The following DYNC2H1 variants were observed in gnomAD, a reference collection of about 807,000 sequenced individuals.
The protein encoded by DYNC2H1 is cytoplasmic dynein 2 heavy chain 1.
DYNC2H1 carries 410 observed loss-of-function variants against 570.0 expected under a neutral mutation model. The observed-to-expected ratio is 0.72, with a 90% CI of 0.66 to 0.78. DYNC2H1 has a LOEUF of 0.78. Among genes scored for constraint, DYNC2H1 ranks in the 30% least tolerant of loss-of-function variants. The probability of loss-of-function intolerance (pLI) is 0.00; values close to 1 mark genes in which losing one functional copy is unlikely to be tolerated. For missense variants in DYNC2H1, 4,865 were observed against 5,046.4 expected, an observed-to-expected ratio of 0.96 and a Z score of 1.09; for synonymous variants, 1,688 against 1,677.6, an observed-to-expected ratio of 1.01 and a Z score of -0.15.
chr11:103,173,136 G>A lies in DYNC2H1; in HGVS notation c.5389G>A (p.Gly1797Ser), dbSNP rs1064796293. 6.5e-7 allele frequency: 1 copy of A among 1,535,758 alleles called. No homozygotes were observed. The highest frequency in any genetic ancestry group is 8.8e-7 in the Non-Finnish European group (1 of 1,141,212). ...IFITMNPAGK[G>S]YGGRQKLPDN... is the part of the protein sequence containing the mutation. ...TATCACTATGAATCCTGCTGGAAAA[G>A]GTTATGGAGGAAGACAAAAACTGCC... The change falls in exon 35 of 89, where the codon GGT (glycine) becomes AGT (serine). Residue 1797 changes from glycine (G) to serine (S), a missense_variant. Around this residue, in one of 5 missense-constraint regions of DYNC2H1, gnomAD observed 292 missense variants for 300.2 expected, o/e 0.97. Coordinates refer to ENST00000375735, the MANE Select transcript of DYNC2H1 (RefSeq NM_001377.3).
At position 103,465,304 on chromosome 11, in the gene DYNC2H1, T is replaced by G. The variant is rs750834409; in HGVS notation, c.12649-3285T>G. The stretch of plus-strand genomic sequence containing the variant: ...TTTCAGTCGTGATCACGCAGATAAT[T>G]TGAGAAGTGGAAAAATACAAGAAAG... On this transcript the variant is annotated intron_variant, in intron 87 of 88. Transcript: ENST00000375735. The surrounding 1 kb of genome is among the most constrained non-coding windows in gnomAD (Gnocchi z 4.9). Among the ~76,000 whole-genome samples the G allele has an allele frequency of 1.2e-4, 19 of 152,086 alleles. No homozygotes were observed. Among genetic ancestry groups the G allele is most frequent in the Non-Finnish European group, 1.9e-4 (13 of 68,002 alleles).
chr11:103,179,240 C>G lies in DYNC2H1; in HGVS notation c.6347+7C>G, dbSNP rs1304400790. 1 of 1,611,488 alleles carries G rather than the reference C, an allele frequency of 6.2e-7. No homozygotes were observed. Among genetic ancestry groups the G allele is most frequent in the African/African-American group, 1.3e-5 (1 of 74,808 alleles). ...TGGGAATGATCTTTCTTAGGTAAGC[C>G]ATAGATTATTTATATACAGTATATT... is the stretch of plus-strand genomic sequence containing the variant. On this transcript the variant is annotated splice_region_variant and intron_variant, in intron 39 of 88. Transcript: ENST00000375735.
At chr11:103,315,471 C>T (rs1022472355) in intron 79 of DYNC2H1, among the ~76,000 whole-genome samples, 5 of 152,088 alleles carry the variant, frequency 3.3e-5, no homozygotes, top group African/African-American at 7.2e-5. Flanking sequence ...CATCATCCAT[C>T]ATCAATTTGA....
At chr11:103,462,254 G>C (rs1945041232) in intron 87 of DYNC2H1, among the ~76,000 whole-genome samples, 1 of 151,714 alleles carries the variant, frequency 6.6e-6, no homozygotes, top group African/African-American at 2.4e-5. Flanking sequence ...TTGTTCCTCT[G>C]TCTCTCATTC....
rs936135504 is a variant in DYNC2H1 at position 103,199,792 on chromosome 11, T to C, written c.8089-254T>C. 6.6e-6 allele frequency among the ~76,000 whole-genome samples: 1 copy of C among 152,098 alleles called. No homozygotes were observed. Among genetic ancestry groups the C allele is most frequent in the Non-Finnish European group, 1.5e-5 (1 of 68,008 alleles). On this transcript the variant is annotated intron_variant, in intron 49 of 88. Transcript: ENST00000375735. This position sits in a 1 kb window ranked among gnomAD's most constrained non-coding sequence, Gnocchi z 4.6. ...AAGGATGGAATTTACATAGGAAATATATGAGTAGAGATAAAAATGATCTAC... is the reference window on the plus strand; with the variant it reads ...AAGGATGGAATTTACATAGGAAATACATGAGTAGAGATAAAAATGATCTAC...
In DYNC2H1 at chr11:103,115,671, G is replaced by A. The variant is rs536663322; in HGVS notation, c.621+376G>A. ...AAATTAGCTGGGCGTGGTGGTGAGCGCCTACTCGGGAGGCTGAGGCAGGAT... is the reference window on the plus strand; with the variant it reads ...AAATTAGCTGGGCGTGGTGGTGAGCACCTACTCGGGAGGCTGAGGCAGGAT... On this transcript the variant is annotated intron_variant, in intron 4 of 88. Coordinates refer to ENST00000375735, the MANE Select transcript of DYNC2H1 (RefSeq NM_001377.3). 5.9e-5 allele frequency among the ~76,000 whole-genome samples: 9 copies of A among 152,012 alleles called. No homozygotes were observed. In the South Asian group the frequency reaches 1.7e-3, roughly 28 times the overall value.
At chr11:103,207,487 G>A (rs1862987271) in intron 52 of DYNC2H1, among the ~76,000 whole-genome samples, 1 of 151,988 alleles carries the variant, frequency 6.6e-6, no homozygotes, top group Non-Finnish European at 1.5e-5. Flanking sequence ...CCAGGTAGGT[G>A]GGCAGGTATG....
chr11:103,158,871 GA>G (rs35353432), intron 27 of DYNC2H1, 38 bp from the exon 28 acceptor site: 1 of 1,524,308 alleles, frequency 6.6e-7, no homozygotes, highest in Non-Finnish European at 8.8e-7. Context: ...TTAATTATCT[GA>G]AAAAAAGAAA....
At chr11:103,453,840 G>A (rs550942161) in intron 85 of DYNC2H1, among the ~76,000 whole-genome samples, 9 of 151,550 alleles carry the variant, frequency 5.9e-5, no homozygotes, top group Non-Finnish European at 8.9e-5. Flanking sequence ...TTTAGCTAGC[G>A]AAAGAAATTA....
chr11:103,392,027 C>T (rs1266081884), intron 83 of DYNC2H1, among the ~76,000 whole-genome samples: 1 of 152,224 alleles, frequency 6.6e-6, no homozygotes, highest in Non-Finnish European at 1.5e-5. Flanking sequence ...TCAAAGCTGT[C>T]AGACAGGGAC....
At chr11:103,196,126 TG>T (rs1213643606) in intron 47 of DYNC2H1, among the ~76,000 whole-genome samples, 5 of 152,164 alleles carry the variant, frequency 3.3e-5, no homozygotes, top group African/African-American at 1.2e-4. Context: ...GAAAGCTATA[TG>T]GGATATTGCA....
chr11:103,373,088 C>T (rs958892224), intron 83 of DYNC2H1, among the ~76,000 whole-genome samples: 8 of 152,112 alleles, frequency 5.3e-5, no homozygotes, highest in South Asian at 2.1e-4. Flanking sequence ...GGACTACAGT[C>T]GTGCACCACC....
chr11:103,312,941 T>C (rs1161012998), intron 79 of DYNC2H1, among the ~76,000 whole-genome samples: 1 of 152,202 alleles, frequency 6.6e-6, no homozygotes, highest in African/African-American at 2.4e-5. Flanking sequence ...CAATCCATCA[T>C]CAAGTCTTGT....
chr11:103,365,005 A>G (rs1323055253), intron 83 of DYNC2H1, among the ~76,000 whole-genome samples: 1 of 152,158 alleles, frequency 6.6e-6, no homozygotes, highest in Non-Finnish European at 1.5e-5. Context: ...CTTTTAATAA[A>G]ATAATTATTG....
intron 60 of DYNC2H1, among the ~76,000 whole-genome samples, chr11:103,231,942 C>A (rs1591446329): frequency 6.6e-6 from 1 of 151,552 alleles, no homozygotes; most frequent in East Asian, 1.9e-4. Flanking sequence ...TAGAGAAATA[C>A]TTATAGAAAA....
intron 40 of DYNC2H1, among the ~76,000 whole-genome samples, chr11:103,182,271 TACACCTATATATAC>T (rs1359247773): frequency 2.0e-5 from 3 of 150,328 alleles, no homozygotes; most frequent in East Asian, 1.9e-4. Context: ...TACCTATATA[TACACCTATATATAC>T]ACACCTATAT....
chr11:103,466,529 A>AT (rs1312724386), intron 87 of DYNC2H1, among the ~76,000 whole-genome samples: 1 of 152,208 alleles, frequency 6.6e-6, no homozygotes, highest in Non-Finnish European at 1.5e-5. Flanking sequence ...CTTAAAACAG[A>AT]TAAAGGATGT....
intron 75 of DYNC2H1, among the ~76,000 whole-genome samples, chr11:103,292,102 C>G (rs1242619513): frequency 6.6e-6 from 1 of 151,468 alleles, no homozygotes; most frequent in East Asian, 1.9e-4. Flanking sequence ...AAAAGACTAA[C>G]TACGGCTATT....
intron 82 of DYNC2H1, among the ~76,000 whole-genome samples, chr11:103,352,466 ATTAC>A (rs993976763): frequency 6.6e-6 from 1 of 152,162 alleles, no homozygotes; most frequent in African/African-American, 2.4e-5. Context: ...TTTTATTAAA[ATTAC>A]TTACTTGACC....
Sources: gnomAD v4.1 joint callset for allele counts (sites outside exome capture counted in the v4.1 genomes callset) on GRCh38, gnomAD v4.1.1 for gene constraint, gnomAD v4.1.1 regional missense constraint, Gnocchi (gnomAD v3.1) non-coding constraint, MANE v1.5 for transcripts, NCBI Gene and HGNC (gene_info 2026-07-23, HGNC 2026-07-21) for gene names.